The following TNXB variants were observed in gnomAD, a reference collection of about 807,000 sequenced individuals.
TNXB encodes the protein tenascin XB.
In TNXB, 183 loss-of-function variants were observed where a neutral mutation model predicts 340.5. That is an observed-to-expected ratio of 0.54 (90% confidence interval 0.48 to 0.61). The LOEUF is 0.61. Among genes scored for constraint, TNXB ranks in the 20% least tolerant of loss-of-function variants. The pLI is 0.00. For missense variants in TNXB, 4,613 were observed against 5,446.4 expected (o/e 0.85, Z 4.82); for synonymous variants, 2,121 against 2,314.5 (o/e 0.92, Z 2.40).
Position 32,062,177 on chromosome 6 carries a change from A to T in TNXB, c.7148T>A (p.Val2383Glu). Residue 2383 changes from valine to glutamate, a missense_variant, in exon 20 of 44, where the codon GTG (valine) becomes GAG (glutamate). Transcript: ENST00000644971. This position sits in a 1 kb window ranked among gnomAD's most constrained non-coding sequence, Gnocchi z 4.3. The part of the protein sequence containing the change: ...GFHGGQRVGP[V>E]SAIGVTAAEE... The stretch of plus-strand genomic sequence containing the variant: ...CTCACCTGTCACCCCGATGGCAGAC[A>T]CGGGGCCCACACGCTGGCCACCGTG... The T allele has an allele frequency of 6.2e-7, 1 of 1,611,662 alleles. No individual in the cohort carries two copies. Among genetic ancestry groups the T allele is most frequent in the Non-Finnish European group, 8.5e-7 (1 of 1,178,768 alleles).
chr6:32,042,378 G>A lies in TNXB; in HGVS notation c.12211-16C>T. The A allele has an allele frequency of 6.3e-7, 1 of 1,592,518 alleles. No individual in the cohort carries two copies. Among genetic ancestry groups the A allele is most frequent in the Non-Finnish European group, 8.6e-7 (1 of 1,166,756 alleles). ...GCTGGAACACCTGGGAAGCAAGTGG[G>A]GGCACCATCAGCCTCTGGCTCCCGG... is the stretch of plus-strand genomic sequence containing the variant. On this transcript the variant is annotated splice_polypyrimidine_tract_variant and intron_variant, in intron 40 of 43. Transcript: ENST00000644971.
At chr6:32,099,395 G>C (rs2127296439) in intron 1 of TNXB, among the ~76,000 whole-genome samples, 1 of 152,182 alleles carries the variant, frequency 6.6e-6, no homozygotes, top group East Asian at 1.9e-4. Flanking sequence ...TCCATGCCCA[G>C]CTAATTTTTG....
chr6:32,059,409 A>G (rs1777876105), intron 21 of TNXB, among the ~76,000 whole-genome samples: 1 of 141,278 alleles, frequency 7.1e-6, no homozygotes, highest in Non-Finnish European at 1.5e-5. Context: ...ACAGAGTGAG[A>G]CTCAGTCTCA....
intron 22 of TNXB, 86 bp downstream of exon 22, chr6:32,057,972 A>G: frequency 6.9e-7 from 1 of 1,439,916 alleles, no homozygotes. Context: ...AGCCCCATCA[A>G]GACAGAAATA....
At chr6:32,066,751 G>T (rs1300605485) in intron 18 of TNXB, among the ~76,000 whole-genome samples, 1 of 152,166 alleles carries the variant, frequency 6.6e-6, no homozygotes, top group Non-Finnish European at 1.5e-5. Context: ...TATGCCACAT[G>T]AATTATATCT....
chr6:32,063,157 G>C (rs1778135495), intron 19 of TNXB, among the ~76,000 whole-genome samples: 1 of 152,202 alleles, frequency 6.6e-6, no homozygotes, highest in African/African-American at 2.4e-5. Context: ...GGAGGCCGAG[G>C]CGGGAGGATC....
At chr6:32,092,425 A>G (rs1012113511) in intron 4 of TNXB, among the ~76,000 whole-genome samples, 2 of 152,178 alleles carry the variant, frequency 1.3e-5, no homozygotes. Flanking sequence ...TTTGAGAGAG[A>G]AGTGCTTCTG....
At position 32,047,942 on chromosome 6, in the gene TNXB, GC is replaced by G. The variant is rs1777002477; in HGVS notation, c.10115del (p.Gly3372AlafsTer84). On this transcript the variant is annotated frameshift_variant, in exon 30 of 44. Transcript: ENST00000644971. LOFTEE classifies it high-confidence loss of function. The surrounding 1 kb of genome is among the most constrained non-coding windows in gnomAD (Gnocchi z 6.2). ...CGCCCTCAGGGACCGTCCACGAGAGGCCCACGGAGTCAGGGGTCGCATCTGT... is the reference window on the plus strand; with the variant it reads ...CGCCCTCAGGGACCGTCCACGAGAGGCCACGGAGTCAGGGGTCGCATCTGT... ...TVTDATPDSV[G>X]LSWTVPEGEF... 6.2e-7 allele frequency: 1 copy of G among 1,612,222 alleles called. No individual in the cohort carries two copies. Among genetic ancestry groups the G allele is most frequent in the African/African-American group, 1.3e-5 (1 of 74,924 alleles).
Position 32,061,185 on chromosome 6 carries a change from C to T in TNXB, c.7492+212G>A, listed in dbSNP as rs1193052022. Among the ~76,000 whole-genome samples the T allele has an allele frequency of 6.6e-6, 1 of 151,872 alleles. No homozygotes were observed. The highest frequency in any genetic ancestry group is 2.4e-5 in the African/African-American group (1 of 41,134). ...CTTGGTGTGCGCCTGACATATTTCA[C>T]TCTTGGAGGTTATCAGTGGTTGACC... On this transcript the variant is annotated intron_variant, in intron 21 of 43. Transcript: ENST00000644971. The surrounding 1 kb of genome is among the most constrained non-coding windows in gnomAD (Gnocchi z 4.4).
Position 32,097,982 on chromosome 6 carries a change from A to G in TNXB, c.217T>C (p.Phe73Leu), listed in dbSNP as rs773801243. The change falls in exon 2 of 44, where the codon TTC (phenylalanine) becomes CTC (leucine). Residue 73 changes from phenylalanine (F) to leucine (L), a missense_variant. Physicochemically the swap from Phe to Leu is conservative, Grantham distance 22 (BLOSUM62 0). Transcript: ENST00000644971. The surrounding 1 kb of genome is among the most constrained non-coding windows in gnomAD (Gnocchi z 5.9). ...TVEGGEKQVV[F>L]THRINLPPST... The stretch of plus-strand genomic sequence containing the variant: ...GGGGGCAGGTTAATGCGGTGGGTGA[A>G]TACCACCTGCTTCTCCCCTCCTTCC... The G allele has an allele frequency of 6.2e-7, 1 of 1,607,190 alleles. No homozygotes were observed. Among genetic ancestry groups the G allele is most frequent in the Non-Finnish European group, 8.5e-7 (1 of 1,178,022 alleles).
In TNXB at chr6:32,069,639, A is replaced by C; in HGVS notation, c.5501T>G (p.Leu1834Arg). Residue 1834 changes from leucine (L) to arginine (R), a missense_variant, in exon 15 of 44, where the codon CTG (leucine) becomes CGG (arginine). Leu to Arg is a moderately radical substitution (Grantham distance 102, BLOSUM62 -2). Transcript: ENST00000644971. This position sits in a 1 kb window ranked among gnomAD's most constrained non-coding sequence, Gnocchi z 6.2. ...CAGCTTGTACCTGTGGGCAGGGTCC[A>C]GGCCCGGCACGCTGACCTCCCTGAG... is the stretch of plus-strand genomic sequence containing the variant. ...GSLREVSVPG[L>R]DPAHRYKLLL... 1 of 1,612,836 alleles carries C rather than the reference A, an allele frequency of 6.2e-7. No homozygotes were observed. Among genetic ancestry groups the C allele is most frequent in the Non-Finnish European group, 8.5e-7 (1 of 1,179,510 alleles).
intron 26 of TNXB, among the ~76,000 whole-genome samples, chr6:32,050,879 G>C (rs1777247227): frequency 6.6e-6 from 1 of 152,054 alleles, no homozygotes; most frequent in African/African-American, 2.4e-5. Context: ...CTGCCTCTAG[G>C]CTCCCTGCCA....
intron 11 of TNXB, among the ~76,000 whole-genome samples, chr6:32,077,076 T>C (rs969168059): frequency 6.6e-6 from 1 of 152,230 alleles, no homozygotes; most frequent in Non-Finnish European, 1.5e-5. Flanking sequence ...CCAAACTCCA[T>C]TTATCTCTAC....
chr6:32,095,770 G>A lies in TNXB; in HGVS notation c.2083C>T (p.Arg695Trp), dbSNP rs369143302. The change falls in exon 3 of 44, where the codon CGG becomes TGG. Residue 695 changes from arginine (R) to tryptophan (W), a missense_variant. Around this residue, in one of 7 missense-constraint regions of TNXB, gnomAD observed 4,327 missense variants for 4,859.4 expected, o/e 0.89. Coordinates refer to ENST00000644971, the MANE Select transcript of TNXB (RefSeq NM_001365276.2). ...ASACPGGCGP[R>W]ELCRAGQCVC... ...CACTGGCCTGCCCGGCACAGTTCCC[G>A]GGGCCCGCAGCCTCCAGGGCAGGCG... 1.1e-4 allele frequency: 170 copies of A among 1,613,706 alleles called. No individual in the cohort carries two copies. The highest frequency in any genetic ancestry group is 1.0e-3 in the African/African-American group (77 of 75,042).
In TNXB at chr6:32,058,205, C is replaced by T. The variant is rs757834349; in HGVS notation, c.7678G>A (p.Asp2560Asn). The change falls in exon 22 of 44, where the codon GAC (aspartate) becomes AAC (asparagine). Residue 2560 changes from aspartate (D) to asparagine (N), a missense_variant. This residue lies in a region of TNXB where 4,327 missense variants were observed against 4,859.4 expected (regional missense o/e 0.89). Coordinates refer to ENST00000644971, the MANE Select transcript of TNXB (RefSeq NM_001365276.2). This position sits in a 1 kb window ranked among gnomAD's most constrained non-coding sequence, Gnocchi z 5.1. Reference sequence around the variant, plus strand: ...ACACGCACCGCCTGGGGCCGCCCGTCCCTGTCCTTGTACTGCACGGTGAAG... The same window carrying T: ...ACACGCACCGCCTGGGGCCGCCCGTTCCTGTCCTTGTACTGCACGGTGAAG... The part of the protein sequence containing the change: ...DSFTVQYKDR[D>N]GRPQAVRVGG... 2 of 1,612,538 alleles carry T rather than the reference C, an allele frequency of 1.2e-6. No homozygotes were observed. The highest frequency in any genetic ancestry group is 1.7e-6 in the Non-Finnish European group (2 of 1,179,868).
chr6:32,106,481 G>A (rs1014431084), intron 1 of TNXB, among the ~76,000 whole-genome samples: 3 of 152,134 alleles, frequency 2.0e-5, no homozygotes, highest in Admixed American at 2.0e-4. Flanking sequence ...GTAGGCGGAG[G>A]TGACTGTGAC....
intron 1 of TNXB, among the ~76,000 whole-genome samples, chr6:32,100,777 C>T (rs1780676792): frequency 6.6e-6 from 1 of 151,792 alleles, no homozygotes; most frequent in Admixed American, 6.6e-5. Context: ...CATCAAATTA[C>T]ATCATTAAGA....
At position 32,096,589 on chromosome 6, in the gene TNXB, A is replaced by C; in HGVS notation, c.1264T>G (p.Trp422Gly). The stretch of plus-strand genomic sequence containing the variant: ...CAATCGGTTCCAGTGTACCCCGGCC[A>C]GCACACGCAGCGGCCGTCCTCGCAG... ...GRCEDGRCVC[W>G]PGYTGTDCGS... The change falls in exon 3 of 44, where the codon TGG becomes GGG. Residue 422 changes from tryptophan to glycine, a missense_variant. By Grantham distance (184) the Trp-to-Gly change is radical (BLOSUM62 -2). This residue lies in a region of TNXB where 4,327 missense variants were observed against 4,859.4 expected (regional missense o/e 0.89). Coordinates refer to ENST00000644971, the MANE Select transcript of TNXB (RefSeq NM_001365276.2). 1 of 1,585,692 alleles carries C rather than the reference A, an allele frequency of 6.3e-7. No homozygotes were observed. Among genetic ancestry groups the C allele is most frequent in the Non-Finnish European group, 8.5e-7 (1 of 1,170,264 alleles).
At position 32,095,988 on chromosome 6, in the gene TNXB, G is replaced by A. The variant is rs559096425; in HGVS notation, c.1865C>T (p.Pro622Leu). ...VSEDCSIRTC[P>L]SNCHGRGRCE... Reference sequence around the variant, plus strand: ...GCGGCCCCTCCCGTGGCAGTTGGAGGGGCAGGTGCGGATGCTGCAGTCCTC... The same window carrying A: ...GCGGCCCCTCCCGTGGCAGTTGGAGAGGCAGGTGCGGATGCTGCAGTCCTC... Residue 622 changes from proline (P) to leucine (L), a missense_variant, in exon 3 of 44, where the codon CCC (proline) becomes CTC (leucine). This residue lies in a region of TNXB where 4,327 missense variants were observed against 4,859.4 expected (regional missense o/e 0.89). Transcript: ENST00000644971. 6.2e-6 allele frequency: 10 copies of A among 1,612,872 alleles called. No individual in the cohort carries two copies. The highest frequency in any genetic ancestry group is 8.5e-6 in the Non-Finnish European group (10 of 1,179,796).
Sources: gnomAD v4.1 joint callset for allele counts (sites outside exome capture counted in the v4.1 genomes callset) on GRCh38, gnomAD v4.1.1 for gene constraint, gnomAD v4.1.1 regional missense constraint, Gnocchi (gnomAD v3.1) non-coding constraint, MANE v1.5 for transcripts, NCBI Gene and HGNC (gene_info 2026-07-23, HGNC 2026-07-21) for gene names.